The following WDR37 variants were observed in gnomAD, a reference collection of about 807,000 sequenced individuals.
WDR37 encodes WD repeat-containing protein 37.
In WDR37, 19 loss-of-function variants were observed where a neutral mutation model predicts 62.9. That is an observed-to-expected ratio of 0.30 (90% confidence interval 0.21 to 0.44). WDR37 has a LOEUF of 0.44. WDR37 is among the 20% of genes least tolerant of loss of function. The probability of loss-of-function intolerance (pLI) is 1.00; values close to 1 mark genes in which losing one functional copy is unlikely to be tolerated. For missense variants in WDR37, 474 were observed against 657.6 expected (o/e 0.72, Z 3.05); for synonymous variants, 250 against 260.9 (o/e 0.96, Z 0.40).
intron 6 of WDR37, among the ~76,000 whole-genome samples, chr10:1,085,093 T>C (rs980312672): frequency 4.6e-5 from 7 of 151,882 alleles, no homozygotes; most frequent in African/African-American, 1.7e-4. Flanking sequence ...GCCTTCCCAG[T>C]AGCTGGGACT....
At chr10:1,063,638 A>G (rs1017955692) in intron 1 of WDR37, among the ~76,000 whole-genome samples, 1 of 152,292 alleles carries the variant, frequency 6.6e-6, no homozygotes, top group Middle Eastern at 3.4e-3. Flanking sequence ...CTAGGGTATC[A>G]TAAGAGGGAC....
Position 1,118,725 on chromosome 10 carries a change from T to TA in WDR37, c.1104-5484dup, listed in dbSNP as rs202161258. 3.7e-3 allele frequency among the ~76,000 whole-genome samples: 560 copies of TA among 151,460 alleles called. 2 individuals carry two copies. The highest frequency in any genetic ancestry group is 6.8e-3 in the East Asian group (35 of 5,154). On this transcript the variant is annotated intron_variant, in intron 11 of 13. Coordinates refer to ENST00000263150, the MANE Select transcript of WDR37 (RefSeq NM_014023.4). ...TGATCCCTCAAGAACCAACACTTTG[T>TA]AAAAAAAAAGACTATTTCGTGTGTG...
At chr10:1,072,746 A>C (rs1411631781) in intron 2 of WDR37, among the ~76,000 whole-genome samples, 2 of 152,214 alleles carry the variant, frequency 1.3e-5, no homozygotes, top group African/African-American at 4.8e-5. Flanking sequence ...AAATTCCCCC[A>C]AAATAAACTC....
At chr10:1,125,271 C>T (rs1835703308) in intron 13 of WDR37, among the ~76,000 whole-genome samples, 1 of 151,618 alleles carries the variant, frequency 6.6e-6, no homozygotes, top group Non-Finnish European at 1.5e-5. Flanking sequence ...GGCTGGAGTG[C>T]AGTGGCATGA....
intron 1 of WDR37, among the ~76,000 whole-genome samples, chr10:1,058,326 A>G (rs1463333098): frequency 6.6e-6 from 1 of 152,136 alleles, no homozygotes; most frequent in Non-Finnish European, 1.5e-5. Flanking sequence ...TATGCCAGCC[A>G]TTTTTGCAAA....
chr10:1,091,416 T>C (rs1011043960), intron 7 of WDR37, among the ~76,000 whole-genome samples: 2 of 152,226 alleles, frequency 1.3e-5, no homozygotes, highest in African/African-American at 4.8e-5. Flanking sequence ...CCCACAGTTA[T>C]CTGTATTTTA....
intron 7 of WDR37, among the ~76,000 whole-genome samples, chr10:1,087,395 T>C (rs1194672548): frequency 1.3e-5 from 2 of 152,180 alleles, no homozygotes; most frequent in Admixed American, 1.3e-4. Context: ...GTTTCCTCCT[T>C]CAAATTTCCT....
chr10:1,096,342 TCCC>T, intron 9 of WDR37, 96 bp downstream of exon 9: 1 of 1,399,410 alleles, frequency 7.1e-7, no homozygotes, highest in Non-Finnish European at 1.0e-6. Context: ...AATGTTTGTG[TCCC>T]CCCAAGTTCA....
At chr10:1,077,873 A>G in intron 2 of WDR37, 34 bp from the exon 3 acceptor site, 1 of 1,504,776 alleles carries the variant, frequency 6.6e-7, no homozygotes, top group Non-Finnish European at 9.2e-7. Context: ...TTTTTCATTC[A>G]TTCATTCATT....
chr10:1,075,273 CT>C (rs61550443), intron 2 of WDR37, among the ~76,000 whole-genome samples: 19,854 of 139,118 alleles, frequency 0.14, 2,720 homozygotes, highest in African/African-American at 0.37. Flanking sequence ...ATAGCAATTC[CT>C]TTTTTTTTTT....
At chr10:1,101,582 C>G (rs78874545) in intron 9 of WDR37, among the ~76,000 whole-genome samples, 1 of 152,206 alleles carries the variant, frequency 6.6e-6, no homozygotes, top group Admixed American at 6.5e-5. Flanking sequence ...TTCCACTGTT[C>G]CCTCCGCAGT....
At chr10:1,088,056 T>C (rs1171808288) in intron 7 of WDR37, among the ~76,000 whole-genome samples, 1 of 152,170 alleles carries the variant, frequency 6.6e-6, no homozygotes, top group African/African-American at 2.4e-5. Context: ...CATAAACAAC[T>C]CTCTGCCAGC....
intron 11 of WDR37, among the ~76,000 whole-genome samples, chr10:1,114,537 C>T (rs1383126961): frequency 1.3e-5 from 2 of 152,304 alleles, no homozygotes; most frequent in East Asian, 1.9e-4. Context: ...AGAGGTAATG[C>T]GGTTGCTCAC....
chr10:1,068,083 G>A (rs1833607894), intron 1 of WDR37, among the ~76,000 whole-genome samples: 1 of 152,146 alleles, frequency 6.6e-6, no homozygotes, highest in East Asian at 1.9e-4. Context: ...TGTGAGTCGG[G>A]GGCGGAGGGA....
At position 1,129,645 on chromosome 10, in the gene WDR37, A is replaced by G. The variant is rs114580264; in HGVS notation, c.*301A>G. 263 of 269,532 alleles carry G rather than the reference A, an allele frequency of 9.8e-4. 1 individual carries two copies. Among genetic ancestry groups the G allele is most frequent in the African/African-American group, 5.5e-3 (253 of 45,614 alleles). 16.7% of individuals were successfully genotyped at this position (269,532 alleles called of 1,614,324 possible). ...TGTTGACATTGGACAGGTGAACAGT[A>G]GGGCATTACATTTGTGTGAATTAAA... On this transcript the variant is annotated 3_prime_UTR_variant, in exon 14 of 14. Transcript: ENST00000263150.
intron 10 of WDR37, among the ~76,000 whole-genome samples, chr10:1,104,365 G>A (rs1181669956): frequency 6.6e-6 from 1 of 152,258 alleles, no homozygotes; most frequent in Non-Finnish European, 1.5e-5. Context: ...TGGGCGTGCA[G>A]AGGCTGTGTC....
chr10:1,085,721 G>A (rs1834178808), intron 6 of WDR37, among the ~76,000 whole-genome samples: 1 of 152,104 alleles, frequency 6.6e-6, no homozygotes. Flanking sequence ...GAGCGCCTTG[G>A]ATTGCTTTGG....
chr10:1,125,571 C>T (rs1835714968), intron 13 of WDR37, among the ~76,000 whole-genome samples: 1 of 152,184 alleles, frequency 6.6e-6, no homozygotes, highest in Non-Finnish European at 1.5e-5. Context: ...TGCAGCTCCT[C>T]TGTTTCACAG....
intron 1 of WDR37, among the ~76,000 whole-genome samples, chr10:1,064,705 G>A (rs1833486899): frequency 7.1e-6 from 1 of 141,268 alleles, no homozygotes; most frequent in Non-Finnish European, 1.5e-5. Flanking sequence ...AAGCAGTTCT[G>A]CCCTAGCCTC....
Sources: gnomAD v4.1 joint callset for allele counts (sites outside exome capture counted in the v4.1 genomes callset) on GRCh38, gnomAD v4.1.1 for gene constraint, MANE v1.5 for transcripts, NCBI Gene and HGNC (gene_info 2026-07-23, HGNC 2026-07-21) for gene names.